CHSY3: variants seen among roughly 807,000 people sequenced by gnomAD.
CHSY3 encodes N-acetylgalactosaminyl-proteoglycan 3-beta-glucuronosyltransferase 3.
A neutral mutation model predicts 67.2 loss-of-function variants in CHSY3; 35 were observed. The ratio of observed to expected loss-of-function variants is 0.52; its 90% confidence interval spans 0.40 to 0.69. The LOEUF is 0.69. CHSY3 is among the 30% of genes least tolerant of loss of function. The pLI is 0.00. For synonymous variants in CHSY3, 474 were observed against 434.7 expected, an observed-to-expected ratio of 1.09 and a Z score of -1.12; for missense variants, 1,069 against 1,138.5, an observed-to-expected ratio of 0.94 and a Z score of 0.88.
chr5:129,905,417 G>T lies in CHSY3; in HGVS notation c.588G>T (p.Ala196=). ...CGCTGGCCGCGCAGCGGACCTGGGCGCGTTTCATCCCGGGCCGCGTGGAGT... is the reference window on the plus strand; with the variant it reads ...CGCTGGCCGCGCAGCGGACCTGGGCTCGTTTCATCCCGGGCCGCGTGGAGT... ...SRALAAQRTW[A]RFIPGRVEFF... is the part of the protein sequence containing the mutation. The change falls in exon 1 of 3, where the codon GCG becomes GCT. Residue 196 remains alanine, a synonymous_variant. Coordinates refer to ENST00000305031, the MANE Select transcript of CHSY3 (RefSeq NM_175856.5). The T allele has an allele frequency of 6.2e-7, 1 of 1,610,136 alleles. No individual in the cohort carries two copies. Among genetic ancestry groups the T allele is most frequent in the Admixed American group, 1.7e-5 (1 of 59,912 alleles).
chr5:130,115,940 T>C (rs546834657), intron 2 of CHSY3, among the ~76,000 whole-genome samples: 5 of 152,282 alleles, frequency 3.3e-5, no homozygotes, highest in African/African-American at 4.8e-5. Context: ...CCTTCTACGA[T>C]GGCTCAAAGA....
At chr5:130,143,784 G>T in intron 2 of CHSY3, among the ~76,000 whole-genome samples, 1 of 73,832 alleles carries the variant, frequency 1.4e-5, no homozygotes, top group East Asian at 6.2e-4. Flanking sequence ...ATATATATGT[G>T]TATATATATA....
At chr5:129,920,390 C>T (rs927498403) in intron 2 of CHSY3, among the ~76,000 whole-genome samples, 1 of 152,208 alleles carries the variant, frequency 6.6e-6, no homozygotes. Context: ...AGATTACAGA[C>T]ATGCGCCACT....
chr5:130,148,649 A>G (rs114017056), intron 2 of CHSY3, among the ~76,000 whole-genome samples: 1,874 of 152,122 alleles, frequency 0.012, 33 homozygotes, highest in African/African-American at 0.042. Context: ...ATGATCAGTG[A>G]TGTTGTTGAG....
intron 2 of CHSY3, among the ~76,000 whole-genome samples, chr5:130,040,523 G>A (rs1764979679): frequency 6.6e-6 from 1 of 152,144 alleles, no homozygotes; most frequent in South Asian, 2.1e-4. Context: ...GATGGCAAAG[G>A]CTCAGCACAG....
At chr5:130,179,430 T>C (rs1770179358) in intron 2 of CHSY3, among the ~76,000 whole-genome samples, 1 of 152,154 alleles carries the variant, frequency 6.6e-6, no homozygotes, top group Non-Finnish European at 1.5e-5. Flanking sequence ...TATTTCTATT[T>C]CACTTTCCTA....
In CHSY3 at chr5:129,905,246, G is replaced by A. The variant is rs1054104089; in HGVS notation, c.417G>A (p.Gly139=). ...AAEGEPEEED[G]GAAGQRRDGR... is the part of the protein sequence containing the mutation. Reference sequence around the variant, plus strand: ...AGGGGGAGCCCGAGGAGGAGGACGGGGGCGCGGCTGGGCAGCGGAGAGACG... The same window carrying A: ...AGGGGGAGCCCGAGGAGGAGGACGGAGGCGCGGCTGGGCAGCGGAGAGACG... Residue 139 remains glycine (G), a synonymous_variant, in exon 1 of 3, where the codon GGG becomes GGA. Transcript: ENST00000305031. 17 of 1,456,048 alleles carry A rather than the reference G, an allele frequency of 1.2e-5. No individual in the cohort carries two copies. The highest frequency in any genetic ancestry group is 2.4e-5 in the Admixed American group (1 of 41,590). 90.2% of individuals were successfully genotyped at this position (1,456,048 alleles called of 1,614,324 possible). A position where few individuals can be genotyped will look rare whatever the true frequency, so the allele number is the denominator to read the frequency against.
chr5:130,114,814 G>A (rs907661909), intron 2 of CHSY3, among the ~76,000 whole-genome samples: 11 of 152,218 alleles, frequency 7.2e-5, no homozygotes, highest in African/African-American at 2.4e-4. Flanking sequence ...GCACTCCTAG[G>A]CTGCATGACA....
At chr5:130,178,073 T>C (rs1332228500) in intron 2 of CHSY3, among the ~76,000 whole-genome samples, 1 of 150,200 alleles carries the variant, frequency 6.7e-6, no homozygotes. Flanking sequence ...ACATATGTAC[T>C]TGATATGTGT....
chr5:129,905,700 C>T lies in CHSY3; in HGVS notation c.802+69C>T. On this transcript the variant is annotated intron_variant, in intron 1 of 2. Transcript: ENST00000305031. ...CTCCTTTCTCTGTAACCGGTCCTAG[C>T]CCCTGCCCAGCCCCTCCGCTGCTTC... 3 of 1,564,374 alleles carry T rather than the reference C, an allele frequency of 1.9e-6. No individual in the cohort carries two copies. The South Asian group carries it at 3.6e-5, about 19-fold the overall frequency.
intron 2 of CHSY3, among the ~76,000 whole-genome samples, chr5:130,055,227 G>A (rs147897975): frequency 3.4e-5 from 5 of 148,952 alleles, no homozygotes; most frequent in South Asian, 2.1e-4. Context: ...ACAATTCTGT[G>A]TTTTTGACAT....
intron 2 of CHSY3, among the ~76,000 whole-genome samples, chr5:129,994,434 C>T (rs1763467292): frequency 6.6e-6 from 1 of 152,198 alleles, no homozygotes; most frequent in East Asian, 1.9e-4. Flanking sequence ...TTTCTCTAAA[C>T]TTCTCTTCTC....
intron 2 of CHSY3, among the ~76,000 whole-genome samples, chr5:130,162,630 G>T (rs1296408697): frequency 6.6e-6 from 1 of 152,132 alleles, no homozygotes; most frequent in East Asian, 1.9e-4. Flanking sequence ...GAACTTCTGG[G>T]CTCAAGAGAT....
intron 2 of CHSY3, among the ~76,000 whole-genome samples, chr5:130,047,570 A>G (rs574880256): frequency 1.3e-5 from 2 of 152,206 alleles, no homozygotes; most frequent in South Asian, 2.1e-4. Context: ...TCTCCTCTAT[A>G]TAATAGGAAA....
intron 2 of CHSY3, among the ~76,000 whole-genome samples, chr5:130,183,186 G>A (rs1034974374): frequency 4.0e-5 from 6 of 151,324 alleles, no homozygotes; most frequent in Non-Finnish European, 5.9e-5. Flanking sequence ...TGTCTTAATC[G>A]ACTGGCAGAA....
intron 2 of CHSY3, among the ~76,000 whole-genome samples, chr5:130,168,008 C>A (rs1217188315): frequency 6.6e-6 from 1 of 152,086 alleles, no homozygotes; most frequent in Non-Finnish European, 1.5e-5. Flanking sequence ...GGAATAGACA[C>A]ACATGCACAC....
intron 2 of CHSY3, among the ~76,000 whole-genome samples, chr5:129,923,692 G>C (rs1760999588): frequency 6.6e-6 from 1 of 152,118 alleles, no homozygotes; most frequent in Admixed American, 6.5e-5. Context: ...AAACACAATT[G>C]GCAGATCAAG....
intron 2 of CHSY3, among the ~76,000 whole-genome samples, chr5:129,968,135 T>G (rs1374856389): frequency 6.6e-6 from 1 of 151,870 alleles, no homozygotes; most frequent in Non-Finnish European, 1.5e-5. Flanking sequence ...AGATTGTGCC[T>G]TGTTAAATAT....
chr5:130,067,489 G>A (rs17593026), intron 2 of CHSY3, among the ~76,000 whole-genome samples: 48,035 of 151,936 alleles, frequency 0.32, 7,813 homozygotes, highest in South Asian at 0.43. Context: ...TGTAATGAAA[G>A]CATGATTCTA....
Sources: gnomAD v4.1 joint callset for allele counts (sites outside exome capture counted in the v4.1 genomes callset) on GRCh38, gnomAD v4.1.1 for gene constraint, MANE v1.5 for transcripts, NCBI Gene and HGNC (gene_info 2026-07-23, HGNC 2026-07-21) for gene names.